Variants in RYR3 observed in about 807,000 individuals in gnomAD.
RYR3 encodes the protein ryanodine receptor 3, also known as brain ryanodine receptor-calcium release channel.
Under a neutral mutation model 584.3 loss-of-function variants are expected in RYR3, and 207 were observed. The observed-to-expected ratio is 0.35, with a 90% CI of 0.32 to 0.40. The LOEUF is 0.40. RYR3 is among the 10% of genes least tolerant of loss of function. The pLI is 1.00. For missense variants in RYR3, 5,616 were observed against 6,089.2 expected (o/e 0.92, Z 2.59); for synonymous variants, 2,416 against 2,248.5 (o/e 1.07, Z -2.11).
chr15:33,763,493 C>T (rs528403009), intron 60 of RYR3, among the ~76,000 whole-genome samples: 2 of 152,042 alleles, frequency 1.3e-5, no homozygotes, highest in East Asian at 1.9e-4. Flanking sequence ...GACATTTATG[C>T]GGCCAACAAA....
chr15:33,506,618 A>C (rs2052504241), intron 3 of RYR3, among the ~76,000 whole-genome samples: 1 of 152,166 alleles, frequency 6.6e-6, no homozygotes, highest in Non-Finnish European at 1.5e-5. Flanking sequence ...ACAGATGGGA[A>C]GGTACTTTTT....
chr15:33,858,147 AG>A, intron 99 of RYR3: 1 of 557,336 alleles, frequency 1.8e-6, no homozygotes, highest in Non-Finnish European at 3.2e-6. Context: ...CCCCGTGGAA[AG>A]GGAAGCACCC....
intron 100 of RYR3, 124 bp downstream of exon 100, chr15:33,859,855 G>T (rs113558465): frequency 9.1e-7 from 1 of 1,097,808 alleles, no homozygotes; most frequent in East Asian, 2.6e-5. Flanking sequence ...AATTTAGCAA[G>T]AACTAATTTA....
intron 3 of RYR3, among the ~76,000 whole-genome samples, chr15:33,517,771 G>A (rs992190784): frequency 1.3e-5 from 2 of 152,018 alleles, no homozygotes; most frequent in Non-Finnish European, 2.9e-5. Context: ...CTGGCTCTAG[G>A]GATATATATT....
chr15:33,801,046 G>C (rs1338125065), intron 68 of RYR3, among the ~76,000 whole-genome samples, 189 bp downstream of exon 68: 1 of 152,212 alleles, frequency 6.6e-6, no homozygotes, highest in Admixed American at 6.5e-5. Flanking sequence ...TTGGGTTACA[G>C]CTTGACTTTA....
intron 10 of RYR3, among the ~76,000 whole-genome samples, chr15:33,554,911 G>A (rs1394046027): frequency 6.6e-6 from 1 of 152,086 alleles, no homozygotes; most frequent in African/African-American, 2.4e-5. Context: ...GTTAAAGCAG[G>A]CCATATATAT....
chr15:33,619,052 A>G (rs1334255703), intron 19 of RYR3, among the ~76,000 whole-genome samples: 1 of 152,068 alleles, frequency 6.6e-6, no homozygotes, highest in Admixed American at 6.5e-5. Flanking sequence ...AAACTTCACT[A>G]CTCCCAGGCA....
At chr15:33,534,429 T>G (rs2055151981) in intron 5 of RYR3, among the ~76,000 whole-genome samples, 1 of 152,170 alleles carries the variant, frequency 6.6e-6, no homozygotes, top group South Asian at 2.1e-4. Flanking sequence ...AAACTGAAAA[T>G]AAATTTCTCA....
At position 33,481,488 on chromosome 15, in the gene RYR3, T is replaced by G. The variant is rs28771810; in HGVS notation, c.171+7950T>G. ...TATTATTTTTGAATACTTTTTTTTT[T>G]GGGTTTTTTTGAGACAGAGTCTTGC... On this transcript the variant is annotated intron_variant, in intron 2 of 103. Transcript: ENST00000634891. Among the ~76,000 whole-genome samples the G allele has an allele frequency of 1.7e-3, 243 of 140,968 alleles. 2 individuals carry two copies. The highest frequency in any genetic ancestry group is 7.6e-3 in the Admixed American group (108 of 14,238). The allele number at this position is 140,968 out of a possible 152,430, so 92.5% of individuals were successfully genotyped here.
chr15:33,691,030 A>T (rs923049258), intron 38 of RYR3, among the ~76,000 whole-genome samples: 1 of 152,216 alleles, frequency 6.6e-6, no homozygotes, highest in African/African-American at 2.4e-5. Context: ...AATGGCCTTA[A>T]ATACATAATT....
intron 1 of RYR3, among the ~76,000 whole-genome samples, chr15:33,320,312 C>G (rs1968788380): frequency 6.6e-6 from 1 of 152,186 alleles, no homozygotes; most frequent in Non-Finnish European, 1.5e-5. Context: ...GCTTTATCAT[C>G]AAAATGAATT....
intron 1 of RYR3, among the ~76,000 whole-genome samples, chr15:33,471,594 TAAAAA>T (rs3084420): frequency 2.1e-4 from 30 of 142,168 alleles, no homozygotes; most frequent in African/African-American, 7.1e-4. Context: ...CATGCCTTTG[TAAAAA>T]AAAAAAAAAA....
intron 1 of RYR3, among the ~76,000 whole-genome samples, chr15:33,328,433 G>A (rs1430931811): frequency 6.6e-6 from 1 of 152,058 alleles, no homozygotes; most frequent in African/African-American, 2.4e-5. Flanking sequence ...TTCCTTCTCA[G>A]GTTCCTTTCT....
chr15:33,681,696 C>T (rs1351486788), intron 38 of RYR3, among the ~76,000 whole-genome samples: 1 of 152,206 alleles, frequency 6.6e-6, no homozygotes, highest in Admixed American at 6.5e-5. Context: ...CCTTTACATG[C>T]ACATAATTAT....
intron 16 of RYR3, among the ~76,000 whole-genome samples, chr15:33,600,790 A>G (rs1007297734): frequency 2.6e-5 from 4 of 152,292 alleles, no homozygotes; most frequent in South Asian, 2.1e-4. Context: ...CACCCCACCT[A>G]CAGGAGATTC....
Position 33,530,648 on chromosome 15 carries a change from G to A in RYR3, c.336G>A (p.Arg112=). 2 of 1,613,398 alleles carry A rather than the reference G, an allele frequency of 1.2e-6. No homozygotes were observed. The highest frequency in any genetic ancestry group is 1.3e-5 in the African/African-American group (1 of 75,022). The stretch of plus-strand genomic sequence containing the variant: ...TATACGGCCATGCAGTTCTCCTGAG[G>A]CACTCTTTCAGCGGAATGGTAAGCA... ...TLLYGHAVLL[R]HSFSGMYLTC... Residue 112 remains arginine, a synonymous_variant, in exon 4 of 104, where the codon AGG becomes AGA. Coordinates refer to ENST00000634891, the MANE Select transcript of RYR3 (RefSeq NM_001036.6).
intron 1 of RYR3, among the ~76,000 whole-genome samples, chr15:33,450,293 T>G (rs1021431029): frequency 2.0e-5 from 3 of 152,116 alleles, no homozygotes; most frequent in Non-Finnish European, 4.4e-5. Flanking sequence ...TTGAATCTAA[T>G]GGCTGTACTT....
intron 1 of RYR3, among the ~76,000 whole-genome samples, chr15:33,387,231 C>T (rs2596200): frequency 0.84 from 127,309 of 152,168 alleles, 53,541 homozygotes; most frequent in Non-Finnish European, 0.89. Context: ...CACTAATCCA[C>T]TGATGGACAA....
intron 1 of RYR3, among the ~76,000 whole-genome samples, chr15:33,336,166 A>G (rs535587080): frequency 5.3e-5 from 8 of 152,052 alleles, no homozygotes; most frequent in Non-Finnish European, 1.2e-4. Context: ...AAAAAGCACC[A>G]TGAGCCTGTA....
Sources: allele counts gnomAD v4.1 joint callset (sites outside exome capture counted in the v4.1 genomes callset), GRCh38; gene constraint gnomAD v4.1.1; transcripts MANE v1.5; gene names NCBI Gene and HGNC (gene_info 2026-07-23, HGNC 2026-07-21).